The following PKP4 variants were observed in gnomAD, a reference collection of about 807,000 sequenced individuals.
The protein encoded by PKP4 is plakophilin-4.
In PKP4, 90 loss-of-function variants were observed where a neutral mutation model predicts 145.1. That is an observed-to-expected ratio of 0.62 (90% CI 0.52 to 0.74). PKP4 has a LOEUF of 0.74. Ranked by LOEUF, PKP4 falls within the 30% of genes least tolerant of loss-of-function variation. PKP4 has a pLI of 0.00. For missense variants in PKP4, 1,340 were observed against 1,482.7 expected (o/e 0.90, Z 1.58); for synonymous variants, 563 against 577.2 (o/e 0.98, Z 0.35).
chr2:158,567,374 G>C (rs1364456216), intron 2 of PKP4, among the ~76,000 whole-genome samples: 1 of 152,098 alleles, frequency 6.6e-6, no homozygotes, highest in Non-Finnish European at 1.5e-5. Flanking sequence ...AGTGATAGGA[G>C]ACCACAAAAA....
intron 4 of PKP4, among the ~76,000 whole-genome samples, chr2:158,615,612 T>C (rs2051527335): frequency 6.6e-6 from 1 of 152,200 alleles, no homozygotes; most frequent in African/African-American, 2.4e-5. Context: ...TTTTTAATGG[T>C]TTTATATTCT....
intron 2 of PKP4, among the ~76,000 whole-genome samples, chr2:158,547,312 C>T (rs2045156628): frequency 6.6e-6 from 1 of 152,126 alleles, no homozygotes; most frequent in Non-Finnish European, 1.5e-5. Context: ...AAATTATATT[C>T]ATAACATACA....
At position 158,557,115 on chromosome 2, in the gene PKP4, TG is replaced by T. The variant is rs200731623; in HGVS notation, c.133-20152del. Reference sequence around the variant, plus strand: ...GAGATTAATAGTAATATATTCCTCGTGGGGTTATTGTAGAATTTAAATAAAA... The same window carrying T: ...GAGATTAATAGTAATATATTCCTCGTGGGTTATTGTAGAATTTAAATAAAA... On this transcript the variant is annotated intron_variant, in intron 2 of 21. Transcript: ENST00000389759. Among the ~76,000 whole-genome samples the T allele has an allele frequency of 8.9e-3, 1,348 of 152,152 alleles. 11 individuals are homozygous for T. The highest frequency in any genetic ancestry group is 0.017 in the Middle Eastern group (5 of 294).
intron 11 of PKP4, among the ~76,000 whole-genome samples, chr2:158,655,552 A>G (rs1361692716): frequency 1.7e-5 from 2 of 118,024 alleles, no homozygotes; most frequent in Non-Finnish European, 3.9e-5. Flanking sequence ...CTGTATATAT[A>G]TCCAATATTA....
intron 1 of PKP4, among the ~76,000 whole-genome samples, chr2:158,515,749 A>C (rs2105544116): frequency 6.6e-6 from 1 of 152,032 alleles, no homozygotes; most frequent in East Asian, 1.9e-4. Context: ...GATGATCCTC[A>C]AAAAAAATGG....
intron 13 of PKP4, 136 bp from the exon 14 acceptor site, chr2:158,662,761 A>T (rs763734839): frequency 1.9e-4 from 120 of 635,996 alleles, no homozygotes; most frequent in Non-Finnish European, 3.0e-4. Context: ...CTCTCTTCAG[A>T]TTGTTTCAAG....
chr2:158,640,694 G>A lies in PKP4; in HGVS notation c.1630G>A (p.Val544Ile). ...CATGCTTCAGCACCAGTTCCCATCT[G>A]TTCAGGCAAATGCAGCGGCCTACCT... ...IHMLQHQFPS[V>I]QANAAAYLQH... is the part of the protein sequence containing the mutation. The change falls in exon 10 of 22, where the codon GTT becomes ATT. Residue 544 changes from valine to isoleucine, a missense_variant. Coordinates refer to ENST00000389759, the MANE Select transcript of PKP4 (RefSeq NM_003628.6). 6.2e-7 allele frequency: 1 copy of A among 1,614,118 alleles called. No homozygotes were observed.
intron 1 of PKP4, among the ~76,000 whole-genome samples, chr2:158,525,914 C>T (rs1262049425): frequency 1.3e-5 from 2 of 151,226 alleles, no homozygotes; most frequent in African/African-American, 4.9e-5. Context: ...GACACGTACA[C>T]TCTCCCAAGA....
At chr2:158,660,661 T>TA (rs1301823477) in intron 12 of PKP4, 1 of 152,428 alleles carries the variant, frequency 6.6e-6, no homozygotes, top group Admixed American at 6.5e-5. Context: ...CAAATTGATA[T>TA]AAAAAAATTT....
intron 4 of PKP4, among the ~76,000 whole-genome samples, chr2:158,606,225 G>GT (rs2050641770): frequency 6.6e-6 from 1 of 151,968 alleles, no homozygotes; most frequent in Non-Finnish European, 1.5e-5. Flanking sequence ...ATTTCCACTA[G>GT]TTAAAAATAA....
At chr2:158,460,804 T>C (rs1689647411) in intron 1 of PKP4, among the ~76,000 whole-genome samples, 1 of 152,188 alleles carries the variant, frequency 6.6e-6, no homozygotes, top group Non-Finnish European at 1.5e-5. Flanking sequence ...TACAGGGAGA[T>C]AGTTACTCCT....
chr2:158,534,042 AAAC>A (rs909918244), intron 2 of PKP4, among the ~76,000 whole-genome samples: 4 of 152,120 alleles, frequency 2.6e-5, no homozygotes, highest in African/African-American at 9.7e-5. Context: ...CTTCTCTCCA[AAAC>A]AACATTATGT....
chr2:158,503,129 C>T (rs1696832171), intron 1 of PKP4, among the ~76,000 whole-genome samples: 1 of 152,210 alleles, frequency 6.6e-6, no homozygotes, highest in African/African-American at 2.4e-5. Context: ...ATTGGAAAAG[C>T]TCTTGGAAGC....
intron 1 of PKP4, among the ~76,000 whole-genome samples, chr2:158,492,824 A>G (rs570707810): frequency 6.6e-6 from 1 of 152,250 alleles, no homozygotes; most frequent in Non-Finnish European, 1.5e-5. Context: ...CAGACTAACC[A>G]AAAGATGGAC....
intron 6 of PKP4, among the ~76,000 whole-genome samples, chr2:158,622,161 G>C (rs898363165): frequency 6.6e-6 from 1 of 152,020 alleles, no homozygotes; most frequent in Non-Finnish European, 1.5e-5. Flanking sequence ...TCTAACCAAA[G>C]GTTATTACCA....
chr2:158,647,209 G>A (rs1028016507), intron 11 of PKP4, among the ~76,000 whole-genome samples: 1 of 152,138 alleles, frequency 6.6e-6, no homozygotes, highest in Non-Finnish European at 1.5e-5. Context: ...CAAATACCAT[G>A]GCTAGCCTTG....
chr2:158,532,047 C>G (rs1214555222), intron 1 of PKP4, among the ~76,000 whole-genome samples: 1 of 152,122 alleles, frequency 6.6e-6, no homozygotes, highest in East Asian at 1.9e-4. Context: ...TACATCTCCC[C>G]TTTTACTTAC....
At chr2:158,644,048 G>A (rs2528638) in intron 11 of PKP4, among the ~76,000 whole-genome samples, 67,840 of 151,994 alleles carry the variant, frequency 0.45, 16,395 homozygotes, top group South Asian at 0.66. Flanking sequence ...TTACAGGTGT[G>A]AGCCACTGCA....
intron 3 of PKP4, among the ~76,000 whole-genome samples, chr2:158,585,486 C>G (rs1294727973): frequency 6.6e-6 from 1 of 152,150 alleles, no homozygotes; most frequent in Non-Finnish European, 1.5e-5. Flanking sequence ...ACTAAAAATC[C>G]TAAAAATGTT....
Sources: gnomAD v4.1 joint callset for allele counts (sites outside exome capture counted in the v4.1 genomes callset) on GRCh38, gnomAD v4.1.1 for gene constraint, MANE v1.5 for transcripts, NCBI Gene and HGNC (gene_info 2026-07-23, HGNC 2026-07-21) for gene names.